VRK2: variants seen among roughly 807,000 people sequenced by gnomAD.
The protein encoded by VRK2 is serine/threonine-protein kinase VRK2.
VRK2 carries 60 observed loss-of-function variants against 57.6 expected under a neutral mutation model. That is an observed-to-expected ratio of 1.04 (90% CI 0.85 to 1.29). VRK2 has a LOEUF of 1.29. Among genes scored for constraint, VRK2 ranks in the 50% most tolerant of loss-of-function variants. VRK2 has a pLI of 0.00. For synonymous variants in VRK2, 231 were observed against 199.2 expected (o/e 1.16, Z -1.35); for missense variants, 705 against 588.1 (o/e 1.20, Z -2.06).
chr2:57,932,503 TTTC>T (rs548395105), intron 1 of VRK2, among the ~76,000 whole-genome samples: 1 of 152,214 alleles, frequency 6.6e-6, no homozygotes, highest in African/African-American at 2.4e-5. Flanking sequence ...TGCGAAGGAG[TTTC>T]TTATGACTGA....
intron 11 of VRK2, 79 bp from the exon 12 acceptor site, chr2:58,146,237 A>G: frequency 8.0e-7 from 1 of 1,244,556 alleles, no homozygotes. Flanking sequence ...AGAGCTTTTA[A>G]GAATCTGGAC....
At chr2:58,134,278 G>T (rs901232870) in intron 9 of VRK2, among the ~76,000 whole-genome samples, 3 of 152,108 alleles carry the variant, frequency 2.0e-5, no homozygotes, top group Non-Finnish European at 2.9e-5. Context: ...ATTCCAAAGG[G>T]GTCCTGCCCC....
chr2:58,080,182 AT>A (rs760551913), intron 2 of VRK2, among the ~76,000 whole-genome samples: 244 of 152,032 alleles, frequency 1.6e-3, no homozygotes, highest in Non-Finnish European at 2.5e-3. Context: ...TTTATATGAT[AT>A]TTTTAGTATT....
intron 2 of VRK2, 96 bp downstream of exon 2, chr2:58,049,063 A>G (rs1308976980): frequency 1.2e-5 from 17 of 1,416,614 alleles, no homozygotes; most frequent in Non-Finnish European, 1.6e-5. Context: ...TGGAATTCAT[A>G]TGTGTACTTT....
At chr2:58,031,815 A>G (rs995400288) in intron 2 of VRK2, among the ~76,000 whole-genome samples, 3 of 152,072 alleles carry the variant, frequency 2.0e-5, no homozygotes, top group African/African-American at 7.2e-5. Flanking sequence ...GGACTTTTCA[A>G]TTTACACATT....
At chr2:58,077,958 G>C (rs1670360087) in intron 2 of VRK2, among the ~76,000 whole-genome samples, 1 of 152,078 alleles carries the variant, frequency 6.6e-6, no homozygotes, top group Non-Finnish European at 1.5e-5. Flanking sequence ...AGGCCAATGT[G>C]ATAGCTTCTT....
At chr2:58,145,459 G>A (rs13410228) in intron 11 of VRK2, among the ~76,000 whole-genome samples, 21,654 of 151,770 alleles carry the variant, frequency 0.14, 1,911 homozygotes, top group African/African-American at 0.24. Context: ...TAATTAATAA[G>A]AATTTAAACT....
At chr2:57,970,994 T>C (rs17049278) in intron 1 of VRK2, among the ~76,000 whole-genome samples, 18,987 of 152,056 alleles carry the variant, frequency 0.12, 1,275 homozygotes, top group East Asian at 0.2. Flanking sequence ...TGGTTGCATC[T>C]CTGTAGTATT....
chr2:58,066,929 G>T (rs946220178), intron 2 of VRK2, among the ~76,000 whole-genome samples: 2 of 152,162 alleles, frequency 1.3e-5, no homozygotes, highest in Non-Finnish European at 1.5e-5. Context: ...TGCCAAAGCA[G>T]ATTAACATTT....
intron 1 of VRK2, among the ~76,000 whole-genome samples, chr2:57,939,222 G>C (rs1031528826): frequency 6.6e-6 from 1 of 152,126 alleles, no homozygotes; most frequent in African/African-American, 2.4e-5. Flanking sequence ...CCTCCATTTT[G>C]TGCCTTTTAT....
intron 11 of VRK2, among the ~76,000 whole-genome samples, chr2:58,144,145 C>G (rs1437312146): frequency 6.6e-6 from 1 of 151,388 alleles, no homozygotes; most frequent in South Asian, 2.1e-4. Flanking sequence ...AAGCCAGACA[C>G]GGGACAAATA....
chr2:57,999,901 G>C (rs1005773880), intron 1 of VRK2, among the ~76,000 whole-genome samples: 1 of 152,064 alleles, frequency 6.6e-6, no homozygotes, highest in African/African-American at 2.4e-5. Flanking sequence ...CCAGCATTTT[G>C]GGAGGTCGAG....
intron 1 of VRK2, among the ~76,000 whole-genome samples, chr2:57,991,152 A>G (rs1029591181): frequency 6.6e-6 from 1 of 152,196 alleles, no homozygotes; most frequent in Non-Finnish European, 1.5e-5. Flanking sequence ...GTCTTCAGCT[A>G]TAAGAGGCAA....
chr2:57,938,735 AAT>A (rs1278362775), intron 1 of VRK2, among the ~76,000 whole-genome samples: 1 of 152,130 alleles, frequency 6.6e-6, no homozygotes, highest in Non-Finnish European at 1.5e-5. Flanking sequence ...ATTCAAGCAA[AAT>A]ATATCTAGTC....
At chr2:58,097,651 G>A (rs116464790) in intron 7 of VRK2, among the ~76,000 whole-genome samples, 46 of 152,200 alleles carry the variant, frequency 3.0e-4, no homozygotes, top group Middle Eastern at 3.4e-3. Flanking sequence ...TTATATTGGA[G>A]CTGGAAAGTT....
chr2:58,145,866 T>C (rs570924036), intron 11 of VRK2, among the ~76,000 whole-genome samples: 2 of 152,136 alleles, frequency 1.3e-5, no homozygotes, highest in Non-Finnish European at 2.9e-5. Flanking sequence ...AGTGAGAACA[T>C]GCGGTGTTTG....
intron 1 of VRK2, among the ~76,000 whole-genome samples, chr2:57,975,658 T>A (rs1395375397): frequency 6.6e-6 from 1 of 151,918 alleles, no homozygotes; most frequent in Non-Finnish European, 1.5e-5. Context: ...CCTCCTTCCT[T>A]TCGGAGTCCC....
chr2:57,920,735 C>T (rs181160757), intron 1 of VRK2, among the ~76,000 whole-genome samples: 53 of 152,130 alleles, frequency 3.5e-4, no homozygotes, highest in African/African-American at 1.2e-3. Flanking sequence ...AGGAAAACAC[C>T]TACTACTTTC....
chr2:58,124,497 T>G (rs1014257432), intron 8 of VRK2, among the ~76,000 whole-genome samples: 2 of 152,228 alleles, frequency 1.3e-5, no homozygotes, highest in African/African-American at 4.8e-5. Context: ...CCAAACAATT[T>G]TTAAACAGTT....
Sources: allele counts gnomAD v4.1 joint callset (sites outside exome capture counted in the v4.1 genomes callset), GRCh38; gene constraint gnomAD v4.1.1; transcripts MANE v1.5; gene names NCBI Gene and HGNC (gene_info 2026-07-23, HGNC 2026-07-21).